Variants in ASTN2 observed in about 807,000 individuals in gnomAD.
ASTN2 encodes astrotactin-2.
Under a neutral mutation model 139.8 loss-of-function variants are expected in ASTN2, and 54 were observed. The ratio of observed to expected loss-of-function variants is 0.39; its 90% CI spans 0.31 to 0.48. ASTN2 has a LOEUF of 0.48. Among genes scored for constraint, ASTN2 ranks in the 20% least tolerant of loss-of-function variants. ASTN2 has a pLI of 0.95. For missense variants in ASTN2, 1,565 were observed against 1,725.1 expected (o/e 0.91, Z 1.64); for synonymous variants, 756 against 719.5 (o/e 1.05, Z -0.81).
chr9:117,359,187 C>A (rs1425404725), intron 1 of ASTN2, among the ~76,000 whole-genome samples: 1 of 152,126 alleles, frequency 6.6e-6, no homozygotes, highest in Non-Finnish European at 1.5e-5. Flanking sequence ...TAAACCCGTG[C>A]TCTTGAGCAA....
At chr9:117,296,825 G>A (rs1012265364) in intron 1 of ASTN2, among the ~76,000 whole-genome samples, 1 of 152,198 alleles carries the variant, frequency 6.6e-6, no homozygotes, top group Admixed American at 6.5e-5. Context: ...ACCTTTTTCT[G>A]CTCTCCCCCA....
intron 5 of ASTN2, among the ~76,000 whole-genome samples, chr9:117,064,246 G>T (rs192369546): frequency 1.3e-4 from 20 of 152,048 alleles, no homozygotes; most frequent in Admixed American, 2.6e-4. Flanking sequence ...AGCCAGGGCC[G>T]CTGGGATGGC....
At chr9:116,858,604 T>G (rs1368254922) in intron 11 of ASTN2, among the ~76,000 whole-genome samples, 3 of 152,194 alleles carry the variant, frequency 2.0e-5, no homozygotes, top group African/African-American at 7.2e-5. Flanking sequence ...CATTTCAAAC[T>G]GTGCCTTGCT....
chr9:116,600,447 T>C (rs946503217), intron 19 of ASTN2, among the ~76,000 whole-genome samples: 1 of 152,038 alleles, frequency 6.6e-6, no homozygotes, highest in African/African-American at 2.4e-5. Flanking sequence ...ACACTGGCAG[T>C]GAGCAATAGA....
chr9:116,686,623 G>C (rs913410763), intron 16 of ASTN2: 51 of 1,438,292 alleles, frequency 3.5e-5, no homozygotes, highest in Non-Finnish European at 4.3e-5. Context: ...TCTCAGGCCA[G>C]ATCACCTCCC....
chr9:116,609,324 C>CTATATATATATATA (rs368559373), intron 19 of ASTN2, among the ~76,000 whole-genome samples: 1 of 111,468 alleles, frequency 9.0e-6, no homozygotes, highest in African/African-American at 3.3e-5. Context: ...CTCTCTCTCT[C>CTATATATATATATA]TCTCTATATA....
At chr9:117,386,544 G>T (rs959709995) in intron 1 of ASTN2, among the ~76,000 whole-genome samples, 7 of 152,142 alleles carry the variant, frequency 4.6e-5, no homozygotes, top group Non-Finnish European at 1.0e-4. Context: ...GACCAGGATG[G>T]ACCACGAGCT....
intron 3 of ASTN2, among the ~76,000 whole-genome samples, chr9:117,171,585 G>A (rs1395246227): frequency 6.6e-6 from 1 of 152,092 alleles, no homozygotes; most frequent in African/African-American, 2.4e-5. Context: ...GGAAGTGACT[G>A]GATCATGGGA....
intron 16 of ASTN2, among the ~76,000 whole-genome samples, chr9:116,656,208 A>G (rs1426613476): frequency 6.6e-6 from 1 of 152,234 alleles, no homozygotes; most frequent in African/African-American, 2.4e-5. Flanking sequence ...TTTGTTAAAT[A>G]TATAGTAAAC....
intron 10 of ASTN2, among the ~76,000 whole-genome samples, chr9:116,953,951 T>C (rs983039027): frequency 7.2e-5 from 11 of 152,178 alleles, no homozygotes; most frequent in Admixed American, 7.2e-4. Context: ...CTTGTGCTAG[T>C]TCACACCCTT....
chr9:116,746,521 T>C (rs1829239493), intron 13 of ASTN2, among the ~76,000 whole-genome samples: 1 of 152,184 alleles, frequency 6.6e-6, no homozygotes, highest in African/African-American at 2.4e-5. Flanking sequence ...GATGAGCTGA[T>C]TGGCAACCCT....
chr9:117,263,684 TCA>T (rs1259752378), intron 2 of ASTN2, among the ~76,000 whole-genome samples: 1 of 152,192 alleles, frequency 6.6e-6, no homozygotes, highest in East Asian at 1.9e-4. Flanking sequence ...TTAAATCCTC[TCA>T]GTTTTTTCCA....
rs200361826 is a variant in ASTN2, at chr9:117,120,018, GTATATATATA to G, written c.1168+21298_1168+21307del. 1.7e-4 allele frequency among the ~76,000 whole-genome samples: 8 copies of G among 45,998 alleles called. No homozygotes were observed. In the East Asian group the frequency reaches 3.5e-3, roughly 20 times the overall value. The allele number at this position is 45,998 out of a possible 152,430, so 30.2% of individuals were successfully genotyped here. ...TGTGTGTGTGTGTGTGTGTGTGTGT[GTATATATATA>G]TATATATATATATATATATATACCC... is the stretch of plus-strand genomic sequence containing the variant. On this transcript the variant is annotated intron_variant, in intron 4 of 22. Transcript: ENST00000313400.
chr9:117,273,309 TGGAAGATACAATTCAA>T (rs1278957809), intron 2 of ASTN2, among the ~76,000 whole-genome samples: 1 of 152,226 alleles, frequency 6.6e-6, no homozygotes, highest in Non-Finnish European at 1.5e-5. Context: ...ATGGGAATTC[TGGAAGATACAATTCAA>T]GTTGAGATTT....
rs1321355430 is a variant in ASTN2, at chr9:116,956,076, CT to C, written c.1889+19131del. Among the ~76,000 whole-genome samples the C allele has an allele frequency of 9.6e-5, 14 of 145,822 alleles. No homozygotes were observed. The South Asian group carries it at 2.2e-3, about 23-fold the overall frequency. ...CACTGCAGACCAACTAATCAGAACT[CT>C]TTTTTCTTTTTCTTTTCTTTTTTTT... On this transcript the variant is annotated intron_variant, in intron 10 of 22. Coordinates refer to ENST00000313400, the MANE Select transcript of ASTN2 (RefSeq NM_001365068.1).
chr9:116,775,516 A>G (rs1830058875), intron 13 of ASTN2, among the ~76,000 whole-genome samples: 1 of 106,658 alleles, frequency 9.4e-6, no homozygotes, highest in African/African-American at 3.7e-5. Flanking sequence ...AGAGGAAGGA[A>G]GGAAGGAAAA....
At chr9:116,565,379 C>A (rs1223169712) in intron 19 of ASTN2, among the ~76,000 whole-genome samples, 9 of 34,394 alleles carry the variant, frequency 2.6e-4, no homozygotes, top group Non-Finnish European at 4.1e-4. Context: ...CTCTCTCTCT[C>A]TCTCTCTCCA....
chr9:117,153,967 T>C (rs1830379880), intron 3 of ASTN2, among the ~76,000 whole-genome samples: 1 of 152,014 alleles, frequency 6.6e-6, no homozygotes, highest in Non-Finnish European at 1.5e-5. Flanking sequence ...TGGCTGGGAA[T>C]GGGGATGAGG....
intron 10 of ASTN2, among the ~76,000 whole-genome samples, chr9:116,955,966 C>T (rs575194615): frequency 1.4e-4 from 21 of 152,216 alleles, no homozygotes; most frequent in Admixed American, 5.9e-4. Context: ...AGTCTCTTTC[C>T]GGAGAGGTTT....
Sources: allele counts gnomAD v4.1 joint callset (sites outside exome capture counted in the v4.1 genomes callset), GRCh38; gene constraint gnomAD v4.1.1; transcripts MANE v1.5; gene names NCBI Gene and HGNC (gene_info 2026-07-23, HGNC 2026-07-21).